The following EPO variants were observed in gnomAD, a reference collection of about 807,000 sequenced individuals.
The protein encoded by EPO is epoetin.
In EPO, 12 loss-of-function variants were observed where a neutral mutation model predicts 24.4. The observed-to-expected ratio is 0.49, with a 90% CI of 0.32 to 0.80. The LOEUF is 0.80. Among genes scored for constraint, EPO ranks in the 30% least tolerant of loss-of-function variants. The pLI is 0.04. For synonymous variants in EPO, 107 were observed against 104.0 expected (o/e 1.03, Z -0.18); for missense variants, 210 against 238.0 (o/e 0.88, Z 0.77).
Position 100,723,199 on chromosome 7 carries a change from C to T in EPO, c.*66C>T, listed in dbSNP as rs1477072503. On this transcript the variant is annotated 3_prime_UTR_variant, in exon 5 of 5. Transcript: ENST00000252723. ...CAACATTGCTTGTGCCACACCCTCC[C>T]CCGCCACTCCTGAACCCCGTCGAGG... is the stretch of plus-strand genomic sequence containing the variant. 8 of 1,522,458 alleles carry T rather than the reference C, an allele frequency of 5.3e-6. No homozygotes were observed. Among genetic ancestry groups the T allele is most frequent in the Admixed American group, 1.9e-5 (1 of 51,378 alleles). 94.3% of individuals were successfully genotyped at this position (1,522,458 alleles called of 1,614,324 possible).
Position 100,720,913 on chromosome 7 carries a change from G to A in EPO, c.-68G>A. ...GGCCCTGCACCGCCGAGCTTCCCGG[G>A]ATGAGGGCCCCCGGTGTGGTCACCC... On this transcript the variant is annotated 5_prime_UTR_variant, in exon 1 of 5. Transcript: ENST00000252723. The A allele has an allele frequency of 1.3e-6, 2 of 1,508,070 alleles. No homozygotes were observed. The highest frequency in any genetic ancestry group is 2.2e-5 in the Admixed American group (1 of 46,510). 93.4% of individuals were successfully genotyped at this position (1,508,070 alleles called of 1,614,324 possible).
Position 100,722,969 on chromosome 7 carries a change from C to T in EPO, c.427-9C>T, listed in dbSNP as rs750827290. 70 of 1,613,520 alleles carry T rather than the reference C, an allele frequency of 4.3e-5. No homozygotes were observed. Among genetic ancestry groups the T allele is most frequent in the Non-Finnish European group, 5.8e-5 (68 of 1,179,752 alleles). On this transcript the variant is annotated splice_polypyrimidine_tract_variant and intron_variant, in intron 4 of 4. Transcript: ENST00000252723. ...GCACTGCAGCGACCTCCTGTTTTCT[C>T]CTTGGCAGAAGGAAGCCATCTCCCC...
At position 100,720,858 on chromosome 7, in the gene EPO, A is replaced by G; in HGVS notation, c.-123A>G. ...TGCTCCGACACCGCGCCCCCTGGAC[A>G]GCCGCCCTCTCCTCCAGGCCCGTGG... On this transcript the variant is annotated 5_prime_UTR_variant, in exon 1 of 5. Transcript: ENST00000252723. 1 of 1,220,314 alleles carries G rather than the reference A, an allele frequency of 8.2e-7. No homozygotes were observed. 75.6% of individuals were successfully genotyped at this position (1,220,314 alleles called of 1,614,324 possible).
In EPO at chr7:100,722,792, C is replaced by T. The variant is rs566780061; in HGVS notation, c.375C>T (p.Ala125=). 26 of 1,614,048 alleles carry T rather than the reference C, an allele frequency of 1.6e-5. No individual in the cohort carries two copies. The East Asian group carries it at 3.1e-4, about 19-fold the overall frequency. The change falls in exon 4 of 5, where the codon GCC becomes GCT. Residue 125 remains alanine (A), a synonymous_variant. Coordinates refer to ENST00000252723, the MANE Select transcript of EPO (RefSeq NM_000799.4). Reference sequence around the variant, plus strand: ...CCCTGCAGCTGCATGTGGATAAAGCCGTCAGTGGCCTTCGCAGCCTCACCA... The same window carrying T: ...CCCTGCAGCTGCATGTGGATAAAGCTGTCAGTGGCCTTCGCAGCCTCACCA... ...WEPLQLHVDK[A]VSGLRSLTTL... is the part of the protein sequence containing the mutation.
chr7:100,720,810 G>A lies in EPO; in HGVS notation c.-171G>A. 1 of 748,292 alleles carries A rather than the reference G, an allele frequency of 1.3e-6. No homozygotes were observed. The highest frequency in any genetic ancestry group is 1.9e-6 in the Non-Finnish European group (1 of 528,336). 46.4% of individuals were successfully genotyped at this position (748,292 alleles called of 1,614,324 possible). A position where few individuals can be genotyped will look rare whatever the true frequency, so the allele number is the denominator to read the frequency against. On this transcript the variant is annotated 5_prime_UTR_variant, in exon 1 of 5. Coordinates refer to ENST00000252723, the MANE Select transcript of EPO (RefSeq NM_000799.4). Reference sequence around the variant, plus strand: ...GCACCGCGCTGTCCTCCCGGAGCCGGACCGGGGCCACCGCGCCCGCTCTGC... The same window carrying A: ...GCACCGCGCTGTCCTCCCGGAGCCGAACCGGGGCCACCGCGCCCGCTCTGC...
In EPO at chr7:100,721,322, G is replaced by A. The variant is rs763787292; in HGVS notation, c.14-236G>A. Among the ~76,000 whole-genome samples the A allele has an allele frequency of 6.6e-6, 1 of 152,178 alleles. No individual in the cohort carries two copies. The highest frequency in any genetic ancestry group is 1.5e-5 in the Non-Finnish European group (1 of 68,030). ...CCACCACTTATCTGCCAGAGGGGAAGCCTCTGTCACACCAGGATTGAAGTT... is the reference window on the plus strand; with the variant it reads ...CCACCACTTATCTGCCAGAGGGGAAACCTCTGTCACACCAGGATTGAAGTT... On this transcript the variant is annotated intron_variant, in intron 1 of 4. Coordinates refer to ENST00000252723, the MANE Select transcript of EPO (RefSeq NM_000799.4). The surrounding 1 kb of genome is among the most constrained non-coding windows in gnomAD (Gnocchi z 4.0).
chr7:100,723,053 C>A lies in EPO; in HGVS notation c.502C>A (p.Leu168Ile), dbSNP rs1342951757. 1 of 1,614,068 alleles carries A rather than the reference C, an allele frequency of 6.2e-7. No individual in the cohort carries two copies. The highest frequency in any genetic ancestry group is 1.3e-5 in the African/African-American group (1 of 74,930). The change falls in exon 5 of 5, where the codon CTC becomes ATC. Residue 168 changes from leucine to isoleucine, a missense_variant. Transcript: ENST00000252723. The stretch of plus-strand genomic sequence containing the variant: ...AATCACTGCTGACACTTTCCGCAAA[C>A]TCTTCCGAGTCTACTCCAATTTCCT... ...RTITADTFRK[L>I]FRVYSNFLRG...
Position 100,721,693 on chromosome 7 carries a change from A to G in EPO, c.149A>G (p.Glu50Gly). 3.1e-6 allele frequency: 5 copies of G among 1,610,042 alleles called. No homozygotes were observed. Among genetic ancestry groups the G allele is most frequent in the Non-Finnish European group, 4.2e-6 (5 of 1,179,910 alleles). The stretch of plus-strand genomic sequence containing the variant: ...TACCTCTTGGAGGCCAAGGAGGCCG[A>G]GAATATCACGGTGAGACCCCTTCCC... ...ERYLLEAKEA[E>G]NITTGCAEHC... The change falls in exon 2 of 5, where the codon GAG becomes GGG. Residue 50 changes from glutamate to glycine, a missense_variant. Physicochemically the swap from Glu to Gly is moderately conservative, Grantham distance 98. Transcript: ENST00000252723. The surrounding 1 kb of genome is among the most constrained non-coding windows in gnomAD (Gnocchi z 4.0).
At position 100,721,012 on chromosome 7, in the gene EPO, G is replaced by A; in HGVS notation, c.13+19G>A. The A allele has an allele frequency of 1.3e-6, 2 of 1,572,190 alleles. No homozygotes were observed. Among genetic ancestry groups the A allele is most frequent in the African/African-American group, 1.4e-5 (1 of 73,350 alleles). On this transcript the variant is annotated intron_variant, in intron 1 of 4. Coordinates refer to ENST00000252723, the MANE Select transcript of EPO (RefSeq NM_000799.4). This position sits in a 1 kb window ranked among gnomAD's most constrained non-coding sequence, Gnocchi z 4.0. ...GTGCACGGTGAGTACTCGCGGGCTG[G>A]GCGCTCCCGCCCGCCCGGGTCCCTG...
rs936491288 is a variant in EPO at position 100,721,134 on chromosome 7, G to C, written c.13+141G>C. 9.7e-4 allele frequency: 346 copies of C among 358,082 alleles called. 5 individuals are homozygous for C. The highest frequency in any genetic ancestry group is 1.7e-3 in the Non-Finnish European group (316 of 189,814). The allele number at this position is 358,082 out of a possible 1,614,324, so 22.2% of individuals were successfully genotyped here. ...GGACCCCGGAAGGGGGAGGGGGGTG[G>C]GGCAGCCTCCACGTGCCAGCGGGGA... On this transcript the variant is annotated intron_variant, in intron 1 of 4. Coordinates refer to ENST00000252723, the MANE Select transcript of EPO (RefSeq NM_000799.4). This position sits in a 1 kb window ranked among gnomAD's most constrained non-coding sequence, Gnocchi z 4.0.
rs911147235 is a variant in EPO at position 100,720,844 on chromosome 7, C to T, written c.-137C>T. On this transcript the variant is annotated 5_prime_UTR_variant, in exon 1 of 5. Transcript: ENST00000252723. ...CACCGCGCCCGCTCTGCTCCGACAC[C>T]GCGCCCCCTGGACAGCCGCCCTCTC... 2.7e-6 allele frequency: 3 copies of T among 1,093,884 alleles called. No homozygotes were observed. The highest frequency in any genetic ancestry group is 3.6e-6 in the Non-Finnish European group (3 of 834,284). The allele number at this position is 1,093,884 out of a possible 1,614,324, so 67.8% of individuals were successfully genotyped here. A position where few individuals can be genotyped will look rare whatever the true frequency, so the allele number is the denominator to read the frequency against.
At chr7:100,722,324 G>A (rs955615945) in intron 3 of EPO, among the ~76,000 whole-genome samples, 1 of 152,016 alleles carries the variant, frequency 6.6e-6, no homozygotes. Flanking sequence ...GTGGTGCATG[G>A]TGGTAGTCCC....
At position 100,720,702 on chromosome 7, in the gene EPO, C is replaced by G; in HGVS notation, c.-279C>G. ...CCTCTCCCCCACCCCCACCCGCGCA[C>G]GCACACATGCAGATAACAGCCCCGA... On this transcript the variant is annotated 5_prime_UTR_variant, in exon 1 of 5. Coordinates refer to ENST00000252723, the MANE Select transcript of EPO (RefSeq NM_000799.4). The G allele has an allele frequency of 2.7e-6, 1 of 366,762 alleles. No homozygotes were observed. The highest frequency in any genetic ancestry group is 4.8e-6 in the Non-Finnish European group (1 of 207,202). 22.7% of individuals were successfully genotyped at this position (366,762 alleles called of 1,614,324 possible).
At position 100,723,174 on chromosome 7, in the gene EPO, CA is replaced by C; in HGVS notation, c.*43del. 4 of 1,586,606 alleles carry C rather than the reference CA, an allele frequency of 2.5e-6. No individual in the cohort carries two copies. The highest frequency in any genetic ancestry group is 3.4e-6 in the Non-Finnish European group (4 of 1,165,532). On this transcript the variant is annotated 3_prime_UTR_variant, in exon 5 of 5. Transcript: ENST00000252723. ...TGGGCATATCCACCACCTCCCTCAC[CA>C]ACATTGCTTGTGCCACACCCTCCCC...
rs1562901411 is a variant in EPO at position 100,721,651 on chromosome 7, GCCGAGT to G, written c.110_115del (p.Arg37_Val38del). 5.0e-6 allele frequency: 8 copies of G among 1,613,378 alleles called. No homozygotes were observed. The highest frequency in any genetic ancestry group is 6.8e-6 in the Non-Finnish European group (8 of 1,180,010). On this transcript the variant is annotated inframe_deletion, in exon 2 of 5. Coordinates refer to ENST00000252723, the MANE Select transcript of EPO (RefSeq NM_000799.4). This position sits in a 1 kb window ranked among gnomAD's most constrained non-coding sequence, Gnocchi z 4.0. ...GCCCCACCACGCCTCATCTGTGACA[GCCGAGT>G]CCTGGAGAGGTACCTCTTGGAGGCC...
Position 100,723,060 on chromosome 7 carries a change from G to A in EPO, c.509G>A (p.Arg170Gln), listed in dbSNP as rs756377367. 6 of 1,614,062 alleles carry A rather than the reference G, an allele frequency of 3.7e-6. No individual in the cohort carries two copies. Among genetic ancestry groups the A allele is most frequent in the East Asian group, 2.2e-5 (1 of 44,868 alleles). The change falls in exon 5 of 5, where the codon CGA (arginine) becomes CAA (glutamine). Residue 170 changes from arginine to glutamine, a missense_variant. By Grantham distance (43) the Arg-to-Gln change is conservative. Coordinates refer to ENST00000252723, the MANE Select transcript of EPO (RefSeq NM_000799.4). ...ITADTFRKLF[R>Q]VYSNFLRGKL... ...GCTGACACTTTCCGCAAACTCTTCC[G>A]AGTCTACTCCAATTTCCTCCGGGGA...
rs368301789 is a variant in EPO at position 100,721,712 on chromosome 7, C to G, written c.159+9C>G. The G allele has an allele frequency of 2.5e-6, 4 of 1,606,268 alleles. No homozygotes were observed. The highest frequency in any genetic ancestry group is 1.1e-5 in the South Asian group (1 of 90,908). On this transcript the variant is annotated intron_variant, in intron 2 of 4. Transcript: ENST00000252723. The surrounding 1 kb of genome is among the most constrained non-coding windows in gnomAD (Gnocchi z 4.0). ...AGGCCGAGAATATCACGGTGAGACC[C>G]CTTCCCCAGCACATTCCACAGAACT... is the stretch of plus-strand genomic sequence containing the variant.
In EPO at chr7:100,723,364, G is replaced by A. The variant is rs1411959856; in HGVS notation, c.*231G>A. ...CCAACTTGAGGGCCCAGAGCAGGAA[G>A]CATTCAGAGAGCAGCTTTAAACTCA... On this transcript the variant is annotated 3_prime_UTR_variant, in exon 5 of 5. Coordinates refer to ENST00000252723, the MANE Select transcript of EPO (RefSeq NM_000799.4). The A allele has an allele frequency of 3.9e-6, 2 of 508,014 alleles. No individual in the cohort carries two copies. The highest frequency in any genetic ancestry group is 7.0e-6 in the Non-Finnish European group (2 of 287,702). The allele number at this position is 508,014 out of a possible 1,614,324, so 31.5% of individuals were successfully genotyped here. A position where few individuals can be genotyped will look rare whatever the true frequency, so the allele number is the denominator to read the frequency against.
At chr7:100,722,867 C>T in intron 4 of EPO, 24 bp downstream of exon 4, 3 of 1,609,604 alleles carry the variant, frequency 1.9e-6, no homozygotes, top group Non-Finnish European at 2.5e-6. Flanking sequence ...GACACTTCTG[C>T]TTGCCCTTTC....
Sources: allele counts gnomAD v4.1 joint callset (sites outside exome capture counted in the v4.1 genomes callset), GRCh38; gene constraint gnomAD v4.1.1; non-coding constraint Gnocchi (gnomAD v3.1); transcripts MANE v1.5; gene names NCBI Gene and HGNC (gene_info 2026-07-23, HGNC 2026-07-21).